The following AQP4 variants were observed in gnomAD, a reference collection of about 807,000 sequenced individuals.
The protein encoded by AQP4 is aquaporin-4.
A neutral mutation model predicts 27.8 loss-of-function variants in AQP4; 18 were observed. That is an observed-to-expected ratio of 0.65 (90% CI 0.45 to 0.96). The LOEUF (loss-of-function observed/expected upper bound fraction) is 0.96. AQP4 is among the 40% of genes least tolerant of loss of function. The probability of loss-of-function intolerance (pLI) is 0.00; values close to 1 mark genes in which losing one functional copy is unlikely to be tolerated. For synonymous variants in AQP4, 141 were observed against 142.9 expected (o/e 0.99, Z 0.10); for missense variants, 412 against 408.2 (o/e 1.01, Z -0.08).
Position 26,853,114 on chromosome 18 carries a change from G to A in AQP4, c.*3097C>T. On this transcript the variant is annotated 3_prime_UTR_variant, in exon 5 of 5. Transcript: ENST00000383168. Reference sequence around the variant, plus strand: ...CATATAGCTCAATTTCATCACATATGTTTTCCAAAGATTTCTAATCTCCTT... The same window carrying A: ...CATATAGCTCAATTTCATCACATATATTTTCCAAAGATTTCTAATCTCCTT... The A allele has an allele frequency of 2.6e-6, 1 of 384,760 alleles. No homozygotes were observed. Among genetic ancestry groups the A allele is most frequent in the Admixed American group, 4.5e-5 (1 of 22,328 alleles). The allele number at this position is 384,760 out of a possible 1,614,324, so 23.8% of individuals were successfully genotyped here.
At chr18:26,863,002 G>GC (rs930700489) in intron 1 of AQP4, 1 of 133,068 alleles carries the variant, frequency 7.5e-6, no homozygotes, top group African/African-American at 2.9e-5. Flanking sequence ...TGCGTGGGGG[G>GC]GGGGGGTCGT....
Position 26,854,982 on chromosome 18 carries a change from T to C in AQP4, c.*1229A>G, listed in dbSNP as rs759184988. The C allele has an allele frequency of 2.0e-5, 3 of 152,204 alleles. No homozygotes were observed. The highest frequency in any genetic ancestry group is 4.4e-5 in the Non-Finnish European group (3 of 68,040). 9.4% of individuals were successfully genotyped at this position (152,204 alleles called of 1,614,324 possible). On this transcript the variant is annotated 3_prime_UTR_variant, in exon 5 of 5. Coordinates refer to ENST00000383168, the MANE Select transcript of AQP4 (RefSeq NM_001650.7). ...CTACAATATATCCAGAAATGAAAGA[T>C]TGTTCGTCTAGTAAGCTTTGAATAC...
At chr18:26,864,557 G>C (rs933597919) in intron 1 of AQP4, among the ~76,000 whole-genome samples, 1 of 152,194 alleles carries the variant, frequency 6.6e-6, no homozygotes, top group Non-Finnish European at 1.5e-5. Flanking sequence ...AATGGGGCAG[G>C]GAGGGCACCC....
chr18:26,861,264 A>T lies in AQP4; in HGVS notation c.479T>A (p.Leu160His), dbSNP rs770679453. 6.2e-7 allele frequency: 1 copy of T among 1,614,148 alleles called. No homozygotes were observed. Among genetic ancestry groups the T allele is most frequent in the South Asian group, 1.1e-5 (1 of 91,082 alleles). The change falls in exon 3 of 5, where the codon CTC (leucine) becomes CAC (histidine). Residue 160 changes from leucine to histidine, a missense_variant. Physicochemically the swap from Leu to His is moderately conservative, Grantham distance 99. Transcript: ENST00000383168. Reference sequence around the variant, plus strand: ...AAATGTGATTATCAACTCAACCAGGAGACCATGACCAGCGGTAAGATTTCC... The same window carrying T: ...AAATGTGATTATCAACTCAACCAGGTGACCATGACCAGCGGTAAGATTTCC... ...VHGNLTAGHG[L>H]LVELIITFQL...
chr18:26,865,803 G>T, upstream of AQP4: 1 of 1,242,526 alleles, frequency 8.0e-7, no homozygotes, highest in Non-Finnish European at 1.2e-6. Context: ...GGGGTGGAAA[G>T]ATTCTGCACC....
At position 26,865,663 on chromosome 18, in the gene AQP4, C is replaced by A. The variant is rs190801689; in HGVS notation, c.27G>T (p.Arg9=). ...TAAGGCAAAGAAGGACTTACCCCCA[C>A]CGCCTTGCTGTGGGTCTGTCACTCA... MSDRPTAR[R]WGKCGPLCTR... Residue 9 remains arginine (R), a synonymous_variant, in exon 1 of 5, where the codon CGG becomes CGT. Coordinates refer to ENST00000383168, the MANE Select transcript of AQP4 (RefSeq NM_001650.7). The A allele has an allele frequency of 1.8e-4, 298 of 1,614,212 alleles. 2 individuals are homozygous for A. The East Asian group carries it at 6.2e-3, about 34-fold the overall frequency.
intron 1 of AQP4, among the ~76,000 whole-genome samples, chr18:26,864,896 C>T (rs138567454): frequency 1.8e-3 from 270 of 152,266 alleles, no homozygotes; most frequent in Admixed American, 2.4e-3. Context: ...GGAGTTCTCT[C>T]CCTGCTTGGC....
rs2144936596 is a variant in AQP4, at chr18:26,852,490, C to T, written c.*3721G>A. Reference sequence around the variant, plus strand: ...TAAATTTAGTGTTCATTGCACATAACATTTTTTGAAATGTATTTTCACAGG... The same window carrying T: ...TAAATTTAGTGTTCATTGCACATAATATTTTTTGAAATGTATTTTCACAGG... On this transcript the variant is annotated 3_prime_UTR_variant, in exon 5 of 5. Coordinates refer to ENST00000383168, the MANE Select transcript of AQP4 (RefSeq NM_001650.7). 1 of 211,240 alleles carries T rather than the reference C, an allele frequency of 4.7e-6. No homozygotes were observed. The highest frequency in any genetic ancestry group is 1.9e-4 in the South Asian group (1 of 5,378). The allele number at this position is 211,240 out of a possible 1,614,324, so 13.1% of individuals were successfully genotyped here.
In AQP4 at chr18:26,855,508, C is replaced by T. The variant is rs1288235421; in HGVS notation, c.*703G>A. 1 of 152,396 alleles carries T rather than the reference C, an allele frequency of 6.6e-6. No individual in the cohort carries two copies. The allele number at this position is 152,396 out of a possible 1,614,324, so 9.4% of individuals were successfully genotyped here. A position where few individuals can be genotyped will look rare whatever the true frequency, so the allele number is the denominator to read the frequency against. ...TTACGAGTCTGCTTGTCTTGAATCTCAATAGGTGCCCTTATGATTTGGGAA... is the reference window on the plus strand; with the variant it reads ...TTACGAGTCTGCTTGTCTTGAATCTTAATAGGTGCCCTTATGATTTGGGAA... On this transcript the variant is annotated 3_prime_UTR_variant, in exon 5 of 5. Coordinates refer to ENST00000383168, the MANE Select transcript of AQP4 (RefSeq NM_001650.7).
At chr18:26,860,963 G>A in intron 3 of AQP4, 111 bp from the exon 4 acceptor site, 1 of 1,358,376 alleles carries the variant, frequency 7.4e-7, no homozygotes, top group South Asian at 1.2e-5. Context: ...CAAGATATTA[G>A]CAGCTATATC....
Position 26,856,339 on chromosome 18 carries a change from C to T in AQP4, c.844G>A (p.Asp282Asn), listed in dbSNP as rs1387758698. 2 of 1,614,202 alleles carry T rather than the reference C, an allele frequency of 1.2e-6. No homozygotes were observed. The highest frequency in any genetic ancestry group is 3.3e-5 in the Admixed American group (2 of 60,028). Residue 282 changes from aspartate (D) to asparagine (N), a missense_variant, in exon 5 of 5, where the codon GAC becomes AAC. Transcript: ENST00000383168. ...QTKGSYMEVE[D>N]NRSQVETDDL... ...TCCGTCTCTACCTGACTCCTGTTGT[C>T]CTCCACCTCCATGTAGCTTCCTTTT...
In AQP4 at chr18:26,855,834, A is replaced by G. The variant is rs1442488930; in HGVS notation, c.*377T>C. ...TTAATAGAATAAATATTCAAATAAG[A>G]ATTGACTATACCAATATTCCAGTAG... On this transcript the variant is annotated 3_prime_UTR_variant, in exon 5 of 5. Transcript: ENST00000383168. 3 of 283,368 alleles carry G rather than the reference A, an allele frequency of 1.1e-5. No homozygotes were observed. Among genetic ancestry groups the G allele is most frequent in the Non-Finnish European group, 2.1e-5 (3 of 146,224 alleles). 17.6% of individuals were successfully genotyped at this position (283,368 alleles called of 1,614,324 possible). A position where few individuals can be genotyped will look rare whatever the true frequency, so the allele number is the denominator to read the frequency against.
chr18:26,861,315 C>A lies in AQP4; in HGVS notation c.448-20G>T. On this transcript the variant is annotated intron_variant, in intron 2 of 4. Transcript: ENST00000383168. ...ATGAACCTAGAGAAAGAAAAATATT[C>A]CATCAGAATTGAAGCAAGAGTATTT... 6.2e-7 allele frequency: 1 copy of A among 1,610,078 alleles called. No individual in the cohort carries two copies. Among genetic ancestry groups the A allele is most frequent in the Non-Finnish European group, 8.5e-7 (1 of 1,176,492 alleles).
chr18:26,858,888 TATC>T (rs1193502935), intron 4 of AQP4, among the ~76,000 whole-genome samples: 2 of 152,204 alleles, frequency 1.3e-5, no homozygotes, highest in Non-Finnish European at 2.9e-5. Flanking sequence ...ACTAAAATAA[TATC>T]ATTACACTAT....
intron 4 of AQP4, among the ~76,000 whole-genome samples, chr18:26,859,270 A>G (rs1350423952): frequency 6.6e-6 from 1 of 152,254 alleles, no homozygotes; most frequent in Non-Finnish European, 1.5e-5. Flanking sequence ...CTGTAATCCC[A>G]GCACTTTGGG....
chr18:26,861,546 T>C (rs908224219), intron 2 of AQP4, among the ~76,000 whole-genome samples: 3 of 152,230 alleles, frequency 2.0e-5, no homozygotes, highest in African/African-American at 7.2e-5. Context: ...TGAATGTCCT[T>C]TTCTACAAAG....
chr18:26,856,100 A>G lies in AQP4; in HGVS notation c.*111T>C. On this transcript the variant is annotated 3_prime_UTR_variant, in exon 5 of 5. Coordinates refer to ENST00000383168, the MANE Select transcript of AQP4 (RefSeq NM_001650.7). ...TTTAGACTGAGTAATATGACATGAA[A>G]CAACAAACCTGCACATTTCTAATTT... is the stretch of plus-strand genomic sequence containing the variant. 7 of 1,374,396 alleles carry G rather than the reference A, an allele frequency of 5.1e-6. No homozygotes were observed. Among genetic ancestry groups the G allele is most frequent in the Non-Finnish European group, 6.2e-6 (6 of 969,526 alleles). The allele number at this position is 1,374,396 out of a possible 1,614,324, so 85.1% of individuals were successfully genotyped here.
intron 4 of AQP4, 122 bp from the exon 5 acceptor site, chr18:26,856,611 AG>A: frequency 2.6e-6 from 3 of 1,157,084 alleles, no homozygotes. Context: ...CATCAAAAAG[AG>A]GGGAATTGGA....
intron 4 of AQP4, among the ~76,000 whole-genome samples, chr18:26,859,918 T>G (rs1307377435): frequency 5.3e-5 from 8 of 152,196 alleles, no homozygotes; most frequent in Non-Finnish European, 1.2e-4. Flanking sequence ...AAGCTAGCGC[T>G]CTTTGAAGCT....
Sources: gnomAD v4.1 joint callset for allele counts (sites outside exome capture counted in the v4.1 genomes callset) on GRCh38, gnomAD v4.1.1 for gene constraint, MANE v1.5 for transcripts, NCBI Gene and HGNC (gene_info 2026-07-23, HGNC 2026-07-21) for gene names.